The following NRXN2 variants were observed in gnomAD, a reference collection of about 807,000 sequenced individuals.
The protein encoded by NRXN2 is neurexin 2, also known as neurexin-2-beta.
A neutral mutation model predicts 128.8 loss-of-function variants in NRXN2; 29 were observed. That is an observed-to-expected ratio of 0.23 (90% CI 0.17 to 0.31). NRXN2 has a LOEUF of 0.31. NRXN2 is among the 10% of genes least tolerant of loss of function. The probability of loss-of-function intolerance (pLI) is 1.00; values close to 1 mark genes in which losing one functional copy is unlikely to be tolerated. For missense variants in NRXN2, 1,881 were observed against 2,452.6 expected (o/e 0.77, Z 4.92); for synonymous variants, 1,098 against 1,075.2 (o/e 1.02, Z -0.41).
chr11:64,718,583 G>C (rs534219307), intron 1 of NRXN2, among the ~76,000 whole-genome samples: 1 of 152,208 alleles, frequency 6.6e-6, no homozygotes, highest in Non-Finnish European at 1.5e-5. Context: ...GCTGCCTCGG[G>C]GGGTGGTGAG....
intron 15 of NRXN2, 127 bp from the exon 16 acceptor site, chr11:64,649,034 T>C: frequency 1.0e-6 from 1 of 971,006 alleles, no homozygotes; most frequent in South Asian, 1.3e-5. Flanking sequence ...TCCAGGTCCC[T>C]AACAGAGATC....
chr11:64,667,262 C>G lies in NRXN2; in HGVS notation c.1786G>C (p.Asp596His). The stretch of plus-strand genomic sequence containing the variant: ...GAGGCCTCCTGACCTTTTCGCCCAT[C>G]CCTCTGGAAGTCCACGTGACACCAC... Reference protein sequence around the residue: ...GEWCHVDFQRDGRKGSISVNS... With the variant: ...GEWCHVDFQRHGRKGSISVNS... The change falls in exon 9 of 23, where the codon GAT (aspartate) becomes CAT (histidine). Residue 596 changes from aspartate to histidine, a missense_variant. By Grantham distance (81) the Asp-to-His change is moderately conservative. Coordinates refer to ENST00000265459, the MANE Select transcript of NRXN2 (RefSeq NM_015080.4). The surrounding 1 kb of genome is among the most constrained non-coding windows in gnomAD (Gnocchi z 5.6). 4 of 1,614,222 alleles carry G rather than the reference C, an allele frequency of 2.5e-6. No individual in the cohort carries two copies. Among genetic ancestry groups the G allele is most frequent in the Non-Finnish European group, 3.4e-6 (4 of 1,180,046 alleles).
intron 2 of NRXN2, among the ~76,000 whole-genome samples, chr11:64,704,904 G>C (rs2135640417): frequency 6.6e-6 from 1 of 152,316 alleles, no homozygotes; most frequent in African/African-American, 2.4e-5. Context: ...GGGAGGCAGA[G>C]AGGTGTGTAA....
In NRXN2 at chr11:64,642,420, G is replaced by C. The variant is rs920105627; in HGVS notation, c.3403+5799C>G. 3 of 1,384,882 alleles carry C rather than the reference G, an allele frequency of 2.2e-6. No individual in the cohort carries two copies. The Admixed American group carries it at 8.4e-5, about 39-fold the overall frequency. The allele number at this position is 1,384,882 out of a possible 1,614,324, so 85.8% of individuals were successfully genotyped here. On this transcript the variant is annotated intron_variant, in intron 17 of 22. Transcript: ENST00000265459. ...TGAAGGGGCTCCGGGACGCAAAGCA[G>C]AGGGGCCAGGCTCGGCGTGCACAGC...
chr11:64,668,886 T>TC (rs1463925333), intron 7 of NRXN2, among the ~76,000 whole-genome samples: 2 of 151,892 alleles, frequency 1.3e-5, no homozygotes, highest in Non-Finnish European at 2.9e-5. Flanking sequence ...CCCCATGAGG[T>TC]CCCCCAAGAA....
intron 19 of NRXN2, among the ~76,000 whole-genome samples, chr11:64,629,896 T>A (rs1048737926): frequency 2.0e-5 from 3 of 152,160 alleles, no homozygotes; most frequent in African/African-American, 7.2e-5. Flanking sequence ...GATCTCCTAA[T>A]ATGGATCTCT....
chr11:64,667,396 G>A lies in NRXN2; in HGVS notation c.1652C>T (p.Ala551Val). ...CAATAGCTCCATGGCAAAGTAGTCGGCCCGCTGAGCAGAGCTGTGGCTGCC... is the reference window on the plus strand; with the variant it reads ...CAATAGCTCCATGGCAAAGTAGTCGACCCGCTGAGCAGAGCTGTGGCTGCC... ...GAGSHSSAQR[A>V]DYFAMELLDG... The change falls in exon 9 of 23, where the codon GCC (alanine) becomes GTC (valine). Residue 551 changes from alanine (A) to valine (V), a missense_variant. By Grantham distance (64) the Ala-to-Val change is moderately conservative. This residue lies in a region of NRXN2 where 997 missense variants were observed against 1,240.8 expected (regional missense o/e 0.80). Coordinates refer to ENST00000265459, the MANE Select transcript of NRXN2 (RefSeq NM_015080.4). This position sits in a 1 kb window ranked among gnomAD's most constrained non-coding sequence, Gnocchi z 5.6. 6.2e-7 allele frequency: 1 copy of A among 1,614,186 alleles called. No homozygotes were observed. The highest frequency in any genetic ancestry group is 1.1e-5 in the South Asian group (1 of 91,080).
At chr11:64,697,831 G>T in intron 2 of NRXN2, 39 bp from the exon 3 acceptor site, 1 of 1,612,844 alleles carries the variant, frequency 6.2e-7, no homozygotes, top group Non-Finnish European at 8.5e-7. Context: ...GAGGCAGAGA[G>T]AGAAGAAAAA....
At chr11:64,697,566 A>C (rs1350724864) in intron 3 of NRXN2, among the ~76,000 whole-genome samples, 1 of 152,128 alleles carries the variant, frequency 6.6e-6, no homozygotes, top group East Asian at 1.9e-4. Flanking sequence ...AGGAAGAAGA[A>C]AGGCCAGTCA....
intron 18 of NRXN2, among the ~76,000 whole-genome samples, chr11:64,633,117 C>T (rs1453481001): frequency 1.3e-5 from 2 of 152,216 alleles, no homozygotes; most frequent in East Asian, 1.9e-4. Context: ...TGCCCTCTGC[C>T]GTACCCGGCA....
chr11:64,623,189 A>G lies in NRXN2; in HGVS notation c.3848-111T>C. 6.9e-7 allele frequency: 1 copy of G among 1,451,936 alleles called. No homozygotes were observed. Among genetic ancestry groups the G allele is most frequent in the Non-Finnish European group, 9.1e-7 (1 of 1,095,656 alleles). The allele number at this position is 1,451,936 out of a possible 1,614,324, so 89.9% of individuals were successfully genotyped here. A position where few individuals can be genotyped will look rare whatever the true frequency, so the allele number is the denominator to read the frequency against. ...GAGAGGAAAGAGGAATGGAGGAGAAAGCCAGTAAGGGAGGAGGGGACGGGG... is the reference window on the plus strand; with the variant it reads ...GAGAGGAAAGAGGAATGGAGGAGAAGGCCAGTAAGGGAGGAGGGGACGGGG... On this transcript the variant is annotated intron_variant, in intron 20 of 22. Transcript: ENST00000265459. The surrounding 1 kb of genome is among the most constrained non-coding windows in gnomAD (Gnocchi z 4.9).
intron 8 of NRXN2, 31 bp downstream of exon 8, chr11:64,668,412 C>T (rs528642957): frequency 6.2e-7 from 1 of 1,611,824 alleles, no homozygotes. Flanking sequence ...GGCTCCTGAA[C>T]AGCCTGCAGC....
rs767737837 is a variant in NRXN2 at position 64,650,635 on chromosome 11, G to A, written c.2922C>T (p.Tyr974=). 6.2e-7 allele frequency: 1 copy of A among 1,614,138 alleles called. No homozygotes were observed. The highest frequency in any genetic ancestry group is 1.3e-5 in the African/African-American group (1 of 75,042). The part of the protein sequence containing the change: ...DFIVIELVKG[Y]IHYVFDLGNG... ...TCCCCAGGTCAAACACGTAGTGGAT[G>A]TACCTGCCCCACAGTAGGGAGGAGA... The change falls in exon 15 of 23, where the codon TAC becomes TAT. Residue 974 remains tyrosine, a synonymous_variant. Transcript: ENST00000265459.
At chr11:64,641,760 G>T (rs193060306) in intron 17 of NRXN2, among the ~76,000 whole-genome samples, 102 of 152,180 alleles carry the variant, frequency 6.7e-4, no homozygotes, top group African/African-American at 2.4e-3. Flanking sequence ...AGCGATAGAG[G>T]ACTGACACAG....
intron 11 of NRXN2, among the ~76,000 whole-genome samples, chr11:64,655,913 C>G (rs2135470624): frequency 6.6e-6 from 1 of 152,300 alleles, no homozygotes; most frequent in East Asian, 1.9e-4. Flanking sequence ...ACCTGTGCCT[C>G]AAGTGCAGGG....
chr11:64,639,205 G>A (rs933423477), intron 17 of NRXN2, among the ~76,000 whole-genome samples: 1 of 152,122 alleles, frequency 6.6e-6, no homozygotes, highest in Non-Finnish European at 1.5e-5. Context: ...CCAGCGCTTT[G>A]TACATGAACC....
At chr11:64,659,619 C>T (rs2048740750) in intron 11 of NRXN2, 1 of 152,908 alleles carries the variant, frequency 6.5e-6, no homozygotes, top group Non-Finnish European at 1.5e-5. Flanking sequence ...GTCCTGGCTC[C>T]TCCCTCTGCC....
At chr11:64,642,267 G>T (rs1456880203) in intron 17 of NRXN2, among the ~76,000 whole-genome samples, 3 of 152,028 alleles carry the variant, frequency 2.0e-5, no homozygotes, top group Admixed American at 6.5e-5. Flanking sequence ...TAATGAACCA[G>T]ACCTAGGGGT....
intron 20 of NRXN2, among the ~76,000 whole-genome samples, chr11:64,625,764 G>A (rs2042988585): frequency 6.6e-6 from 1 of 152,130 alleles, no homozygotes; most frequent in Admixed American, 6.5e-5. Context: ...GGCCTCACAA[G>A]GGGCTTGCTT....
Sources: gnomAD v4.1 joint callset for allele counts (sites outside exome capture counted in the v4.1 genomes callset) on GRCh38, gnomAD v4.1.1 for gene constraint, gnomAD v4.1.1 regional missense constraint, Gnocchi (gnomAD v3.1) non-coding constraint, MANE v1.5 for transcripts, NCBI Gene and HGNC (gene_info 2026-07-23, HGNC 2026-07-21) for gene names.